Variants in PRH1 observed in about 807,000 individuals in gnomAD.
The protein encoded by PRH1 is proline rich protein HaeIII subfamily 1, also known as salivary acidic proline-rich phosphoprotein 1/2.
In PRH1, 7 loss-of-function variants were observed where a neutral mutation model predicts 7.9. That is an observed-to-expected ratio of 0.89 (90% CI 0.50 to 1.67). The LOEUF (loss-of-function observed/expected upper bound fraction) is 1.67. Among genes scored for constraint, PRH1 ranks in the 40% most tolerant of loss-of-function variants. The pLI, the probability that PRH1 is intolerant of heterozygous loss-of-function variation, is 0.00. For missense variants in PRH1, 109 were observed against 223.6 expected, an observed-to-expected ratio of 0.49 and a Z score of 3.27; for synonymous variants, 45 against 80.8, an observed-to-expected ratio of 0.56 and a Z score of 2.38.
chr12:11,129,364 C>A (rs571317702), intron 1 of PRH1, among the ~76,000 whole-genome samples: 4 of 152,410 alleles, frequency 2.6e-5, no homozygotes, highest in African/African-American at 9.6e-5. Context: ...TCTTCGTGAA[C>A]TGTAGAGTAA....
intron 1 of PRH1, among the ~76,000 whole-genome samples, chr12:11,054,833 T>G (rs1340173685): frequency 8.1e-6 from 1 of 123,282 alleles, no homozygotes; most frequent in Non-Finnish European, 1.7e-5. Context: ...GACGGAGTCT[T>G]GCTCTGTCAC....
intron 2 of PRH1, among the ~76,000 whole-genome samples, chr12:10,968,301 T>C (rs538462911): frequency 6.6e-5 from 10 of 152,342 alleles, no homozygotes; most frequent in African/African-American, 2.2e-4. Context: ...TGTATTTAGC[T>C]TGACTTGAAC....
intron 1 of PRH1, among the ~76,000 whole-genome samples, chr12:11,071,386 A>G (rs1419863780): frequency 6.6e-6 from 1 of 152,192 alleles, no homozygotes; most frequent in Non-Finnish European, 1.5e-5. Flanking sequence ...AAATTATAAA[A>G]TAAAAAAAAG....
intron 1 of PRH1, among the ~76,000 whole-genome samples, chr12:11,009,024 C>G (rs974673312): frequency 7.5e-6 from 1 of 132,544 alleles, no homozygotes; most frequent in East Asian, 4.4e-4. Flanking sequence ...CACCTTTAGT[C>G]CAACAAGAAG....
chr12:10,952,217 G>C (rs1046076758), intron 2 of PRH1, among the ~76,000 whole-genome samples: 30 of 152,170 alleles, frequency 2.0e-4, no homozygotes, highest in African/African-American at 7.2e-4. Flanking sequence ...AGATGTAATA[G>C]GTTCAAGAAA....
intron 1 of PRH1, among the ~76,000 whole-genome samples, chr12:11,129,787 T>C (rs1946275771): frequency 1.3e-5 from 2 of 152,298 alleles, no homozygotes. Context: ...CTGTTGTATG[T>C]CAGGGCTATG....
intron 1 of PRH1, among the ~76,000 whole-genome samples, chr12:11,147,238 T>C (rs772148142): frequency 1.4e-4 from 21 of 152,186 alleles, no homozygotes; most frequent in South Asian, 4.1e-4. Flanking sequence ...TTGCCCAGGC[T>C]GGAGTGCAGT....
intron 1 of PRH1, among the ~76,000 whole-genome samples, chr12:11,039,704 A>G (rs143263669): frequency 0.013 from 2,020 of 152,004 alleles, no homozygotes; most frequent in South Asian, 0.026. Flanking sequence ...TTTTCCTACC[A>G]AAAGCATTTA....
chr12:11,054,939 C>T (rs1414000333), intron 1 of PRH1, among the ~76,000 whole-genome samples: 8 of 145,536 alleles, frequency 5.5e-5, no homozygotes, highest in South Asian at 4.3e-4. Context: ...CTGCAAGCTC[C>T]GCCTCACTGC....
chr12:10,963,695 C>CA (rs1565503850), intron 2 of PRH1, among the ~76,000 whole-genome samples: 1 of 152,184 alleles, frequency 6.6e-6, no homozygotes, highest in Non-Finnish European at 1.5e-5. Flanking sequence ...TTTCTTTCTT[C>CA]ATCCCTATTA....
At chr12:10,900,097 C>T (rs771981042) in intron 2 of PRH1, among the ~76,000 whole-genome samples, 5 of 152,142 alleles carry the variant, frequency 3.3e-5, no homozygotes, top group Non-Finnish European at 7.4e-5. Flanking sequence ...ATCATAAGGA[C>T]ACACAGATCC....
chr12:10,896,299 C>A (rs1356923626), intron 2 of PRH1, among the ~76,000 whole-genome samples: 1 of 152,088 alleles, frequency 6.6e-6, no homozygotes, highest in African/African-American at 2.4e-5. Flanking sequence ...CCACCCTGGG[C>A]TAGAAATTCT....
intron 1 of PRH1, chr12:10,996,827 C>G: frequency 3.3e-6 from 3 of 898,626 alleles, no homozygotes; most frequent in Non-Finnish European, 4.7e-6. Context: ...TTTTCTATGT[C>G]AACTTTTGGA....
chr12:11,065,262 A>G (rs1460658932), intron 1 of PRH1, among the ~76,000 whole-genome samples: 3 of 151,750 alleles, frequency 2.0e-5, no homozygotes, highest in African/African-American at 7.3e-5. Flanking sequence ...CAGGTTTTTT[A>G]TTGGTCTTTG....
chr12:11,000,733 G>A (rs59016976), intron 1 of PRH1, among the ~76,000 whole-genome samples: 1 of 151,912 alleles, frequency 6.6e-6, no homozygotes, highest in Non-Finnish European at 1.5e-5. Flanking sequence ...TATCCTCTTA[G>A]CTTGGCATTC....
intron 2 of PRH1, chr12:10,964,848 T>C: frequency 3.6e-6 from 2 of 548,118 alleles, no homozygotes; most frequent in Non-Finnish European, 6.9e-6. Context: ...GTCGGATCAC[T>C]CAATTTGATC....
chr12:10,893,015 T>C (rs1224837849), intron 2 of PRH1, among the ~76,000 whole-genome samples: 1 of 152,216 alleles, frequency 6.6e-6, no homozygotes, highest in African/African-American at 2.4e-5. Flanking sequence ...TGTGAAATCT[T>C]ATATCAATAA....
upstream of PRH1, among the ~76,000 whole-genome samples, chr12:10,889,124 C>T (rs113716802): frequency 5.1e-4 from 77 of 152,272 alleles, no homozygotes; most frequent in African/African-American, 1.8e-3. Context: ...CTTGATGTTC[C>T]ACAAATTTCT....
intron 2 of PRH1, chr12:10,908,985 A>T (rs1196900859): frequency 6.2e-7 from 1 of 1,613,706 alleles, no homozygotes; most frequent in East Asian, 2.2e-5. Flanking sequence ...CAAATAAAAG[A>T]TGCTGAAGAT....
Sources: allele counts gnomAD v4.1 joint callset (sites outside exome capture counted in the v4.1 genomes callset), GRCh38; gene constraint gnomAD v4.1.1; transcripts MANE v1.5; gene names NCBI Gene and HGNC (gene_info 2026-07-23, HGNC 2026-07-21).